The following GSTCD variants were observed in gnomAD, a reference collection of about 807,000 sequenced individuals.
GSTCD encodes the protein glutathione S-transferase C-terminal domain-containing protein.
A neutral mutation model predicts 68.3 loss-of-function variants in GSTCD; 44 were observed. The ratio of observed to expected loss-of-function variants is 0.64; its 90% CI spans 0.51 to 0.83. GSTCD has a LOEUF of 0.83. Among genes scored for constraint, GSTCD ranks in the 40% least tolerant of loss-of-function variants. GSTCD has a pLI of 0.00. For synonymous variants in GSTCD, 273 were observed against 255.2 expected, an observed-to-expected ratio of 1.07 and a Z score of -0.67; for missense variants, 739 against 735.9, an observed-to-expected ratio of 1.00 and a Z score of -0.05.
At chr4:105,763,839 C>CA (rs1452703089) in intron 5 of GSTCD, among the ~76,000 whole-genome samples, 2 of 151,856 alleles carry the variant, frequency 1.3e-5, no homozygotes, top group African/African-American at 4.8e-5. Flanking sequence ...TACATTGAAT[C>CA]AAAAAATACA....
intron 5 of GSTCD, among the ~76,000 whole-genome samples, chr4:105,776,730 CA>C (rs1260307943): frequency 6.6e-6 from 1 of 152,162 alleles, no homozygotes; most frequent in Non-Finnish European, 1.5e-5. Flanking sequence ...AGAAATCATC[CA>C]CCTTCTGCAT....
At chr4:105,825,952 GAAT>G in intron 8 of GSTCD, 152 bp downstream of exon 8, 1 of 442,544 alleles carries the variant, frequency 2.3e-6, no homozygotes, top group African/African-American at 2.0e-5. Context: ...GCATATTAAT[GAAT>G]ATTATTATAT....
intron 5 of GSTCD, among the ~76,000 whole-genome samples, chr4:105,762,252 A>C (rs1051226840): frequency 1.3e-5 from 2 of 152,194 alleles, no homozygotes; most frequent in African/African-American, 4.8e-5. Context: ...TAGGTTATAT[A>C]TTTTGGTCAT....
chr4:105,750,595 A>C (rs752329488), intron 5 of GSTCD, among the ~76,000 whole-genome samples: 29 of 152,186 alleles, frequency 1.9e-4, no homozygotes, highest in Non-Finnish European at 3.8e-4. Flanking sequence ...TCAGTTTCTT[A>C]CAAAACTGAA....
At chr4:105,792,461 A>G (rs935786495) in intron 5 of GSTCD, among the ~76,000 whole-genome samples, 1 of 152,088 alleles carries the variant, frequency 6.6e-6, no homozygotes, top group Non-Finnish European at 1.5e-5. Context: ...GCAACCTAGG[A>G]TTAGGGCACT....
intron 5 of GSTCD, among the ~76,000 whole-genome samples, chr4:105,755,373 T>G (rs1734150734): frequency 6.6e-6 from 1 of 151,946 alleles, no homozygotes; most frequent in Admixed American, 6.6e-5. Flanking sequence ...TCTAGGTGAC[T>G]CTCAGGCTTA....
chr4:105,751,748 GA>G lies in GSTCD; in HGVS notation c.1240+22252del, dbSNP rs202015093. On this transcript the variant is annotated intron_variant, in intron 5 of 11. Transcript: ENST00000515279. The stretch of plus-strand genomic sequence containing the variant: ...TGTTCATGGAGAAGGAGAAGTAGGG[GA>G]AATTCTTTCATACTGAAAGCTTAAT... Among the ~76,000 whole-genome samples, 643 of 152,154 alleles carry G rather than the reference GA, an allele frequency of 4.2e-3. 2 individuals are homozygous for G. The highest frequency in any genetic ancestry group is 0.024 in the Middle Eastern group (7 of 294).
intron 5 of GSTCD, among the ~76,000 whole-genome samples, chr4:105,782,910 C>T (rs953048645): frequency 1.3e-5 from 2 of 152,134 alleles, no homozygotes; most frequent in Non-Finnish European, 1.5e-5. Context: ...TGTTTGTGTA[C>T]ATATAATGTA....
intron 1 of GSTCD, among the ~76,000 whole-genome samples, chr4:105,713,969 A>C (rs1732611601): frequency 1.3e-5 from 2 of 151,912 alleles, no homozygotes; most frequent in Non-Finnish European, 2.9e-5. Flanking sequence ...TTTACTGTTT[A>C]TCTCTCATTC....
In GSTCD at chr4:105,835,692, G is replaced by C. The variant is rs72960907; in HGVS notation, c.1664+1098G>C. ...TGGCGAGTGGGTGTATTTGGGGGCA[G>C]GGGGGCATGTGAGCCCTGTTTGTGT... On this transcript the variant is annotated intron_variant, in intron 9 of 11. Coordinates refer to ENST00000515279, the MANE Select transcript of GSTCD (RefSeq NM_001370181.1). Among the ~76,000 whole-genome samples the C allele has an allele frequency of 6.3e-3, 964 of 152,234 alleles. 4 individuals are homozygous for C. The highest frequency in any genetic ancestry group is 0.022 in the African/African-American group (904 of 41,546).
intron 5 of GSTCD, among the ~76,000 whole-genome samples, chr4:105,814,132 C>T (rs1054302076): frequency 6.6e-6 from 1 of 152,136 alleles, no homozygotes; most frequent in Non-Finnish European, 1.5e-5. Context: ...ACCAGTATAC[C>T]TATTTCAGTA....
At chr4:105,731,700 A>T (rs1321581339) in intron 5 of GSTCD, among the ~76,000 whole-genome samples, 2 of 151,484 alleles carry the variant, frequency 1.3e-5, no homozygotes, top group African/African-American at 4.8e-5. Context: ...CTCCTGCCTG[A>T]TTGCCCTGGC....
chr4:105,740,558 G>C (rs545623472), intron 5 of GSTCD, among the ~76,000 whole-genome samples: 20 of 152,182 alleles, frequency 1.3e-4, no homozygotes, highest in Admixed American at 9.8e-4. Context: ...TGTGGTGGGG[G>C]CGTGGGATGC....
In GSTCD at chr4:105,842,002, T is replaced by G. The variant is rs369555326; in HGVS notation, c.1696-63T>G. On this transcript the variant is annotated intron_variant, in intron 10 of 11. Transcript: ENST00000515279. ...AAAATGAGGTAGTTTTTTTGGTGGT[T>G]GTTTTTATAACTTTGAAGCAGAAGA... The G allele has an allele frequency of 2.7e-3, 3,375 of 1,270,688 alleles. 18 individuals carry two copies. Among genetic ancestry groups the G allele is most frequent in the South Asian group, 8.2e-3 (672 of 81,814 alleles). The allele number at this position is 1,270,688 out of a possible 1,614,324, so 78.7% of individuals were successfully genotyped here. A position where few individuals can be genotyped will look rare whatever the true frequency, so the allele number is the denominator to read the frequency against.
At chr4:105,832,340 G>A (rs1276278499) in intron 8 of GSTCD, among the ~76,000 whole-genome samples, 1 of 152,008 alleles carries the variant, frequency 6.6e-6, no homozygotes, top group African/African-American at 2.4e-5. Context: ...AGCATGTGAT[G>A]CAGTAAAACC....
At chr4:105,720,900 T>C (rs1308682386) in intron 3 of GSTCD, among the ~76,000 whole-genome samples, 1 of 152,200 alleles carries the variant, frequency 6.6e-6, no homozygotes, top group Non-Finnish European at 1.5e-5. Flanking sequence ...TGAAGAAATT[T>C]ATTAAAATTA....
At chr4:105,726,189 T>A (rs1733026582) in intron 3 of GSTCD, among the ~76,000 whole-genome samples, 1 of 152,124 alleles carries the variant, frequency 6.6e-6, no homozygotes, top group African/African-American at 2.4e-5. Flanking sequence ...TGACTACTAG[T>A]CATAATAAAA....
intron 5 of GSTCD, among the ~76,000 whole-genome samples, chr4:105,749,428 T>A (rs1170443585): frequency 6.6e-6 from 1 of 151,940 alleles, no homozygotes; most frequent in Non-Finnish European, 1.5e-5. Flanking sequence ...AGAATCACTC[T>A]AGTGAGTGTT....
intron 5 of GSTCD, among the ~76,000 whole-genome samples, chr4:105,820,853 A>G (rs906235237): frequency 3.0e-5 from 4 of 135,102 alleles, no homozygotes; most frequent in Non-Finnish European, 6.4e-5. Context: ...AAACAGACCT[A>G]AGGAAGTTAG....
Sources: gnomAD v4.1 joint callset for allele counts (sites outside exome capture counted in the v4.1 genomes callset) on GRCh38, gnomAD v4.1.1 for gene constraint, MANE v1.5 for transcripts, NCBI Gene and HGNC (gene_info 2026-07-23, HGNC 2026-07-21) for gene names.